Variants in TTLL5 observed in about 807,000 individuals in gnomAD.
The protein encoded by TTLL5 is tubulin polyglutamylase TTLL5.
A neutral mutation model predicts 168.4 loss-of-function variants in TTLL5; 132 were observed. That is an observed-to-expected ratio of 0.78 (90% CI 0.68 to 0.91). The LOEUF is 0.91. TTLL5 is among the 40% of genes least tolerant of loss of function. The probability of loss-of-function intolerance (pLI) is 0.00; values close to 1 mark genes in which losing one functional copy is unlikely to be tolerated. For synonymous variants in TTLL5, 546 were observed against 558.6 expected (o/e 0.98, Z 0.32); for missense variants, 1,545 against 1,581.5 (o/e 0.98, Z 0.39).
At chr14:75,874,933 CTTT>C (rs1555353208) in intron 29 of TTLL5, among the ~76,000 whole-genome samples, 9 of 97,542 alleles carry the variant, frequency 9.2e-5, no homozygotes, top group African/African-American at 3.9e-4. Context: ...CACTGGGGGC[CTTT>C]TTTTTTTTTT....
At chr14:75,899,359 A>G (rs1053596302) in intron 30 of TTLL5, among the ~76,000 whole-genome samples, 3 of 152,248 alleles carry the variant, frequency 2.0e-5, no homozygotes, top group African/African-American at 7.2e-5. Flanking sequence ...GCTCTAGACA[A>G]GCTGAGTTTC....
intron 29 of TTLL5, among the ~76,000 whole-genome samples, chr14:75,864,489 T>G (rs566745077): frequency 6.6e-6 from 1 of 152,214 alleles, no homozygotes; most frequent in Non-Finnish European, 1.5e-5. Flanking sequence ...GTGCAACTTA[T>G]GTGTAGGGAG....
At chr14:75,930,694 C>T in intron 31 of TTLL5, 1 of 962,698 alleles carries the variant, frequency 1.0e-6, no homozygotes, top group Non-Finnish European at 1.2e-6. Flanking sequence ...AAAGAAAGCA[C>T]TTTTATGGTT....
At chr14:75,754,452 G>C (rs1423951503) in intron 18 of TTLL5, among the ~76,000 whole-genome samples, 1 of 152,146 alleles carries the variant, frequency 6.6e-6, no homozygotes, top group Admixed American at 6.6e-5. Context: ...TTGCTTCACA[G>C]GTTATATAGG....
At chr14:75,664,244 A>C (rs140558231) in intron 2 of TTLL5, among the ~76,000 whole-genome samples, 1 of 152,284 alleles carries the variant, frequency 6.6e-6, no homozygotes, top group Non-Finnish European at 1.5e-5. Flanking sequence ...TGACCCATAG[A>C]GAGTAAGTGA....
At chr14:75,822,338 G>A (rs189420740) in intron 28 of TTLL5, among the ~76,000 whole-genome samples, 1 of 152,130 alleles carries the variant, frequency 6.6e-6, no homozygotes, top group Admixed American at 6.5e-5. Context: ...CTTTTTATTG[G>A]GTAAGCATAC....
intron 30 of TTLL5, among the ~76,000 whole-genome samples, chr14:75,887,607 C>T (rs553000099): frequency 6.6e-5 from 10 of 152,218 alleles, no homozygotes; most frequent in African/African-American, 2.2e-4. Flanking sequence ...CAACAAGGTA[C>T]GCAGGTGTTC....
chr14:75,690,566 T>C (rs915520657), intron 6 of TTLL5, among the ~76,000 whole-genome samples: 1 of 152,156 alleles, frequency 6.6e-6, no homozygotes, highest in African/African-American at 2.4e-5. Context: ...CCCTGTCTTA[T>C]GTATTTTTTG....
intron 29 of TTLL5, among the ~76,000 whole-genome samples, chr14:75,868,085 T>A (rs953355124): frequency 6.6e-6 from 1 of 152,184 alleles, no homozygotes; most frequent in Non-Finnish European, 1.5e-5. Context: ...GACATTGAGC[T>A]GATGTTATTC....
chr14:75,707,033 C>T lies in TTLL5; in HGVS notation c.601C>T (p.Leu201=). 1 of 1,612,226 alleles carries T rather than the reference C, an allele frequency of 6.2e-7. No homozygotes were observed. The highest frequency in any genetic ancestry group is 8.5e-7 in the Non-Finnish European group (1 of 1,178,748). ...TACTCAATAGCCAAACCAGATCTCC[C>T]TGGAAGAGAACATTTTGGTCTCCCG... ...YLINNPNQIS[L]EENILVSRYI... Residue 201 remains leucine (L), a synonymous_variant, in exon 8 of 32, where the codon CTG becomes TTG. Transcript: ENST00000298832.
chr14:75,807,656 C>A (rs1484829573), intron 27 of TTLL5, among the ~76,000 whole-genome samples: 1 of 152,208 alleles, frequency 6.6e-6, no homozygotes, highest in Non-Finnish European at 1.5e-5. Context: ...ACACAGATGG[C>A]AAGTTACTGT....
At chr14:75,843,452 T>C (rs944636300) in intron 28 of TTLL5, among the ~76,000 whole-genome samples, 1 of 152,224 alleles carries the variant, frequency 6.6e-6, no homozygotes, top group African/African-American at 2.4e-5. Context: ...CAGCTGGATC[T>C]TCACATCCAT....
intron 3 of TTLL5, among the ~76,000 whole-genome samples, chr14:75,670,606 G>A (rs1458534322): frequency 1.3e-5 from 2 of 152,186 alleles, no homozygotes; most frequent in Non-Finnish European, 2.9e-5. Flanking sequence ...TTAGATCATA[G>A]CCATACCAGT....
In TTLL5 at chr14:75,711,073, T is replaced by C. The variant is rs886083449; in HGVS notation, c.740+3366T>C. 2.6e-5 allele frequency: 4 copies of C among 152,204 alleles called. No homozygotes were observed. The East Asian group carries it at 5.8e-4, about 22-fold the overall frequency. The allele number at this position is 152,204 out of a possible 1,614,324, so 9.4% of individuals were successfully genotyped here. A position where few individuals can be genotyped will look rare whatever the true frequency, so the allele number is the denominator to read the frequency against. On this transcript the variant is annotated intron_variant, in intron 9 of 31. Coordinates refer to ENST00000298832, the MANE Select transcript of TTLL5 (RefSeq NM_015072.5). ...TTGTGTAAAATTTTTTAACACAAAA[T>C]TAAATTCGTGAAAACCCTAGTTTCT... is the stretch of plus-strand genomic sequence containing the variant.
chr14:75,780,548 C>T (rs906335646), intron 24 of TTLL5, among the ~76,000 whole-genome samples: 19 of 152,070 alleles, frequency 1.2e-4, no homozygotes, highest in Middle Eastern at 3.2e-3. Context: ...AGATGGAAGC[C>T]TAAGGCATAG....
intron 28 of TTLL5, among the ~76,000 whole-genome samples, chr14:75,828,895 A>T (rs1400938827): frequency 6.6e-6 from 1 of 152,230 alleles, no homozygotes; most frequent in African/African-American, 2.4e-5. Flanking sequence ...TTCATCTGAT[A>T]GTTGTTACAG....
intron 21 of TTLL5, among the ~76,000 whole-genome samples, chr14:75,774,946 C>T (rs1322983464): frequency 6.6e-6 from 1 of 152,140 alleles, no homozygotes; most frequent in Non-Finnish European, 1.5e-5. Flanking sequence ...ACCTCAGCTT[C>T]CCAAATTGCT....
At position 75,837,730 on chromosome 14, in the gene TTLL5, A is replaced by G. The variant is rs181532420; in HGVS notation, c.3326+17569A>G. ...TTGTGACTGGCTTATTTCACTTAGC[A>G]TAATATCCTCAGGGTTTATCTATGT... On this transcript the variant is annotated intron_variant, in intron 28 of 31. Transcript: ENST00000298832. Among the ~76,000 whole-genome samples the G allele has an allele frequency of 3.7e-3, 561 of 152,314 alleles. 2 individuals are homozygous for G. Among genetic ancestry groups the G allele is most frequent in the Non-Finnish European group, 5.2e-3 (351 of 68,034 alleles).
chr14:75,795,029 C>A (rs192915812), intron 27 of TTLL5, among the ~76,000 whole-genome samples: 1 of 151,776 alleles, frequency 6.6e-6, no homozygotes, highest in Non-Finnish European at 1.5e-5. Context: ...TGATATTGGG[C>A]AGTTAATTCC....
Sources: allele counts gnomAD v4.1 joint callset (sites outside exome capture counted in the v4.1 genomes callset), GRCh38; gene constraint gnomAD v4.1.1; transcripts MANE v1.5; gene names NCBI Gene and HGNC (gene_info 2026-07-23, HGNC 2026-07-21).